Variants in GLIS3 observed in about 807,000 individuals in gnomAD.
GLIS3 encodes zinc finger protein GLIS3.
A neutral mutation model predicts 78.6 loss-of-function variants in GLIS3; 53 were observed. The observed-to-expected ratio is 0.67, with a 90% CI of 0.54 to 0.85. GLIS3 has a LOEUF of 0.85. GLIS3 is among the 40% of genes least tolerant of loss of function. The pLI is 0.00. For missense variants in GLIS3, 1,703 were observed against 1,231.1 expected (o/e 1.38, Z -5.74); for synonymous variants, 684 against 509.9 (o/e 1.34, Z -4.60).
At chr9:4,319,396 A>C (rs1817487045) in intron 2 of GLIS3, among the ~76,000 whole-genome samples, 1 of 152,224 alleles carries the variant, frequency 6.6e-6, no homozygotes, top group African/African-American at 2.4e-5. Context: ...AATCTGGGTG[A>C]AGGTACATGG....
chr9:3,919,884 T>C (rs767552254), intron 6 of GLIS3, among the ~76,000 whole-genome samples: 1 of 151,808 alleles, frequency 6.6e-6, no homozygotes, highest in Non-Finnish European at 1.5e-5. Flanking sequence ...CCCATGAAAA[T>C]ACCCAGCAAA....
intron 4 of GLIS3, among the ~76,000 whole-genome samples, chr9:3,985,112 C>A (rs560546259): frequency 6.0e-5 from 9 of 150,938 alleles, no homozygotes; most frequent in Admixed American, 5.9e-4. Context: ...AAAAAAAACC[C>A]ATTTTTCCTC....
At chr9:4,181,798 G>C (rs776992935) in intron 2 of GLIS3, among the ~76,000 whole-genome samples, 1 of 152,146 alleles carries the variant, frequency 6.6e-6, no homozygotes, top group East Asian at 1.9e-4. Context: ...AGAAGTCTAG[G>C]CTAGCATCCT....
At chr9:4,250,380 T>A (rs1587145811) in intron 2 of GLIS3, among the ~76,000 whole-genome samples, 1 of 152,242 alleles carries the variant, frequency 6.6e-6, no homozygotes. Context: ...CCATTTCTTC[T>A]AGATTTTCTA....
upstream of GLIS3, among the ~76,000 whole-genome samples, chr9:4,353,154 AG>A (rs1353925530): frequency 3.9e-5 from 6 of 152,168 alleles, no homozygotes; most frequent in Non-Finnish European, 7.3e-5. Flanking sequence ...TGAGACTCTG[AG>A]AAGTTCCCTC....
intron 9 of GLIS3, among the ~76,000 whole-genome samples, chr9:3,845,230 A>C (rs1818956877): frequency 6.6e-6 from 1 of 152,248 alleles, no homozygotes; most frequent in South Asian, 2.1e-4. Context: ...TGTACAATTA[A>C]GAAGACTCTA....
intron 4 of GLIS3, among the ~76,000 whole-genome samples, chr9:4,006,497 T>C (rs1346926764): frequency 1.3e-5 from 2 of 152,112 alleles, no homozygotes; most frequent in African/African-American, 4.8e-5. Context: ...GAGGAACACT[T>C]GAGGACCTAG....
At chr9:3,996,499 T>C (rs1160126119) in intron 4 of GLIS3, among the ~76,000 whole-genome samples, 3 of 152,214 alleles carry the variant, frequency 2.0e-5, no homozygotes, top group African/African-American at 4.8e-5. Context: ...AACTTTACTT[T>C]CTGTTACATT....
chr9:3,881,147 G>C (rs1821703780), intron 7 of GLIS3, among the ~76,000 whole-genome samples: 1 of 152,168 alleles, frequency 6.6e-6, no homozygotes, highest in Non-Finnish European at 1.5e-5. Flanking sequence ...GGAGAAGGCT[G>C]TTTGGATTGA....
chr9:4,420,094 T>TC, the GLIS3 span, among the ~76,000 whole-genome samples: 4 of 152,292 alleles, frequency 2.6e-5, no homozygotes, highest in East Asian at 3.9e-4. Context: ...TGGTGCTCAC[T>TC]CCTGGAGAGG....
chr9:4,379,473 T>G, the GLIS3 span, among the ~76,000 whole-genome samples: 1 of 152,250 alleles, frequency 6.6e-6, no homozygotes, highest in East Asian at 1.9e-4. Flanking sequence ...TTGACAACAT[T>G]AGTCCCTTCT....
At chr9:4,458,060 C>T in the GLIS3 span, among the ~76,000 whole-genome samples, 1 of 152,138 alleles carries the variant, frequency 6.6e-6, no homozygotes, top group East Asian at 1.9e-4. Flanking sequence ...CACAGGATAG[C>T]AGGTATGCAC....
At chr9:4,398,084 CA>C in the GLIS3 span, among the ~76,000 whole-genome samples, 1 of 151,998 alleles carries the variant, frequency 6.6e-6, no homozygotes, top group Admixed American at 6.6e-5. Flanking sequence ...TTAAGATCTT[CA>C]GTTACTATTT....
At chr9:4,282,345 G>C (rs1201330431) in intron 2 of GLIS3, among the ~76,000 whole-genome samples, 1 of 152,130 alleles carries the variant, frequency 6.6e-6, no homozygotes, top group Non-Finnish European at 1.5e-5. Flanking sequence ...GTGTTTTTGG[G>C]TAAGATTAAC....
intron 4 of GLIS3, among the ~76,000 whole-genome samples, chr9:3,964,345 A>G (rs894105440): frequency 1.3e-5 from 2 of 152,220 alleles, no homozygotes; most frequent in African/African-American, 4.8e-5. Context: ...AAAATCTATT[A>G]CTGGGCGTAC....
chr9:4,262,455 A>G (rs917384942), intron 2 of GLIS3, among the ~76,000 whole-genome samples: 1 of 152,084 alleles, frequency 6.6e-6, no homozygotes, highest in Non-Finnish European at 1.5e-5. Flanking sequence ...GAGGTTCTCA[A>G]ATGTTCTCAG....
chr9:3,873,652 A>C lies in GLIS3; in HGVS notation c.2297+5775T>G, dbSNP rs1260891851. Among the ~76,000 whole-genome samples the C allele has an allele frequency of 2.6e-5, 4 of 151,784 alleles. No homozygotes were observed. In the East Asian group the frequency reaches 7.7e-4, roughly 29 times the overall value. Reference sequence around the variant, plus strand: ...CATATGCCCCATAAATTTGCACAAAAATAAAATAAAGATAAAAAATAAAGA... The same window carrying C: ...CATATGCCCCATAAATTTGCACAAACATAAAATAAAGATAAAAAATAAAGA... On this transcript the variant is annotated intron_variant, in intron 8 of 10. Coordinates refer to ENST00000381971, the MANE Select transcript of GLIS3 (RefSeq NM_001042413.2).
At chr9:4,102,696 G>C (rs971908602) in intron 4 of GLIS3, among the ~76,000 whole-genome samples, 1 of 152,126 alleles carries the variant, frequency 6.6e-6, no homozygotes, top group Non-Finnish European at 1.5e-5. Flanking sequence ...TATCTTACTA[G>C]AGAATATAAA....
intron 2 of GLIS3, among the ~76,000 whole-genome samples, chr9:4,329,511 C>G (rs574315487): frequency 1.3e-5 from 2 of 152,126 alleles, no homozygotes; most frequent in Non-Finnish European, 2.9e-5. Context: ...ACCACCATAA[C>G]CCCACCTACC....
Sources: allele counts gnomAD v4.1 joint callset (sites outside exome capture counted in the v4.1 genomes callset), GRCh38; gene constraint gnomAD v4.1.1; transcripts MANE v1.5; gene names NCBI Gene and HGNC (gene_info 2026-07-23, HGNC 2026-07-21).